ITPR2: variants seen among roughly 807,000 people sequenced by gnomAD.
ITPR2 encodes inositol 1,4,5-trisphosphate receptor type 2, also known as inositol 1,4,5-trisphosphate-gated calcium channel ITPR2.
Under a neutral mutation model 317.1 loss-of-function variants are expected in ITPR2, and 207 were observed. The observed-to-expected ratio is 0.65, with a 90% CI of 0.58 to 0.73. The LOEUF (loss-of-function observed/expected upper bound fraction) is 0.73, where lower values mean the gene tolerates loss of function less well. Among genes scored for constraint, ITPR2 ranks in the 30% least tolerant of loss-of-function variants. The pLI, the probability that ITPR2 is intolerant of heterozygous loss-of-function variation, is 0.00. For missense variants in ITPR2, 2,613 were observed against 3,284.0 expected (o/e 0.80, Z 4.99); for synonymous variants, 1,156 against 1,149.1 (o/e 1.01, Z -0.12).
chr12:26,370,492 A>G (rs1031124024), intron 55 of ITPR2, among the ~76,000 whole-genome samples: 1 of 152,302 alleles, frequency 6.6e-6, no homozygotes, highest in South Asian at 2.1e-4. Context: ...GAGCAAATCC[A>G]TGTAAATATT....
At position 26,492,237 on chromosome 12, in the gene ITPR2, G is replaced by A. The variant is rs560978217; in HGVS notation, c.5370+1916C>T. On this transcript the variant is annotated intron_variant, in intron 39 of 56. Coordinates refer to ENST00000381340, the MANE Select transcript of ITPR2 (RefSeq NM_002223.4). ...GTAAAGAAGGACTGAAAAATATTTCGGTTGTGAAGAGATCTAGGGGAACAA... is the reference window on the plus strand; with the variant it reads ...GTAAAGAAGGACTGAAAAATATTTCAGTTGTGAAGAGATCTAGGGGAACAA... 6.6e-5 allele frequency among the ~76,000 whole-genome samples: 10 copies of A among 152,244 alleles called. No homozygotes were observed. The South Asian group carries it at 1.2e-3, about 19-fold the overall frequency.
intron 26 of ITPR2, among the ~76,000 whole-genome samples, chr12:26,620,658 T>C (rs1399730757): frequency 1.3e-5 from 2 of 152,208 alleles, no homozygotes; most frequent in Non-Finnish European, 2.9e-5. Flanking sequence ...TTTTGGTATT[T>C]TCATACTGGC....
intron 55 of ITPR2, among the ~76,000 whole-genome samples, chr12:26,369,287 AT>A (rs1305556775): frequency 6.6e-6 from 1 of 151,970 alleles, no homozygotes; most frequent in Non-Finnish European, 1.5e-5. Flanking sequence ...TATGTTTTAG[AT>A]TTTTTTCATT....
chr12:26,624,276 A>T (rs373146007), intron 24 of ITPR2, 23 bp downstream of exon 24: 2 of 1,488,950 alleles, frequency 1.3e-6, no homozygotes, highest in Non-Finnish European at 1.9e-6. Flanking sequence ...AAGTAAGATA[A>T]AGATATATAA....
At chr12:26,767,408 C>T (rs909185532) in intron 2 of ITPR2, among the ~76,000 whole-genome samples, 11 of 152,160 alleles carry the variant, frequency 7.2e-5, no homozygotes, top group Admixed American at 1.3e-4. Context: ...TTGACCTGAA[C>T]CTTTCTCTAG....
intron 1 of ITPR2, among the ~76,000 whole-genome samples, chr12:26,803,370 AAT>A (rs1950593146): frequency 6.6e-6 from 1 of 152,124 alleles, no homozygotes; most frequent in Admixed American, 6.6e-5. Context: ...AAAAAAAAAA[AAT>A]GTTAAATGAA....
At position 26,461,370 on chromosome 12, in the gene ITPR2, G is replaced by A. The variant is rs554476879; in HGVS notation, c.6342+13926C>T. Among the ~76,000 whole-genome samples, 5 of 152,020 alleles carry A rather than the reference G, an allele frequency of 3.3e-5. No individual in the cohort carries two copies. The East Asian group carries it at 9.6e-4, about 29-fold the overall frequency. On this transcript the variant is annotated intron_variant, in intron 45 of 56. Coordinates refer to ENST00000381340, the MANE Select transcript of ITPR2 (RefSeq NM_002223.4). The stretch of plus-strand genomic sequence containing the variant: ...TTTGGCCAACTACATACAGCTCCTA[G>A]GTCAAATTCAGCATGCCACCTGTTT...
intron 45 of ITPR2, among the ~76,000 whole-genome samples, chr12:26,472,538 C>A (rs1244871963): frequency 6.6e-6 from 1 of 151,706 alleles, no homozygotes; most frequent in East Asian, 1.9e-4. Context: ...ATTTTCACAT[C>A]ATTGATATCA....
chr12:26,565,289 T>G (rs1944920585), intron 34 of ITPR2, among the ~76,000 whole-genome samples: 1 of 152,226 alleles, frequency 6.6e-6, no homozygotes. Context: ...CATCAGCTAT[T>G]TCCATGGTTA....
intron 2 of ITPR2, among the ~76,000 whole-genome samples, chr12:26,755,939 C>T (rs1949513782): frequency 6.6e-6 from 1 of 152,070 alleles, no homozygotes; most frequent in African/African-American, 2.4e-5. Context: ...AGGAATTTAC[C>T]CAATTCATAG....
chr12:26,580,073 C>T lies in ITPR2; in HGVS notation c.4463G>A (p.Ser1488Asn). 6.2e-7 allele frequency: 1 copy of T among 1,611,932 alleles called. No individual in the cohort carries two copies. The highest frequency in any genetic ancestry group is 8.5e-7 in the Non-Finnish European group (1 of 1,178,254). ...TGAAAAGGGAGAATTAAAGAAGCCG[C>T]TCACAATATTCATTATTGACTCAGT... The part of the protein sequence containing the change: ...CVTESIMNIV[S>N]GFFNSPFSDN... The change falls in exon 33 of 57, where the codon AGC (serine) becomes AAC (asparagine). Residue 1488 changes from serine to asparagine, a missense_variant. This residue lies in a region of ITPR2 where 926 missense variants were observed against 1,072.8 expected (regional missense o/e 0.86). Transcript: ENST00000381340.
rs1423510840 is a variant in ITPR2 at position 26,725,683 on chromosome 12, G to T, written c.246C>A (p.Asn82Lys). The change falls in exon 3 of 57, where the codon AAC (asparagine) becomes AAA (lysine). Residue 82 changes from asparagine to lysine, a missense_variant. Physicochemically the swap from Asn to Lys is moderately conservative, Grantham distance 94 (BLOSUM62 0). This residue lies in a region of ITPR2 where 515 missense variants were observed against 789.4 expected (regional missense o/e 0.65). Transcript: ENST00000381340. ...YWKAKQAKQG[N>K]HTEAALLKKL... ...TCTTCAGCAAGGCTGCCTCGGTGTG[G>T]TTCCCTTGTTTGGCTTGCTTTGCTT... The T allele has an allele frequency of 1.2e-6, 2 of 1,613,154 alleles. No individual in the cohort carries two copies. Among genetic ancestry groups the T allele is most frequent in the African/African-American group, 1.3e-5 (1 of 74,862 alleles).
At chr12:26,772,127 C>T (rs982261792) in intron 2 of ITPR2, among the ~76,000 whole-genome samples, 2 of 151,726 alleles carry the variant, frequency 1.3e-5, no homozygotes, top group African/African-American at 4.8e-5. Flanking sequence ...GAATACTAAA[C>T]ATTCCATTAC....
At chr12:26,428,190 A>G (rs1941119550) in intron 48 of ITPR2, 102 bp from the exon 49 acceptor site, 1 of 790,780 alleles carries the variant, frequency 1.3e-6, no homozygotes, top group South Asian at 3.1e-5. Flanking sequence ...TCAAAGCCAT[A>G]ATCCAGTAAA....
intron 55 of ITPR2, among the ~76,000 whole-genome samples, chr12:26,368,618 C>T (rs1192524151): frequency 6.6e-6 from 1 of 152,130 alleles, no homozygotes; most frequent in Non-Finnish European, 1.5e-5. Flanking sequence ...TTTCAGCTGC[C>T]ATACATTTTT....
At chr12:26,710,078 A>C (rs1389235138) in intron 9 of ITPR2, among the ~76,000 whole-genome samples, 1 of 152,206 alleles carries the variant, frequency 6.6e-6, no homozygotes, top group Non-Finnish European at 1.5e-5. Context: ...TACTGAAAAT[A>C]TAAAACATAG....
intron 43 of ITPR2, among the ~76,000 whole-genome samples, chr12:26,480,141 A>G (rs1942512623): frequency 6.6e-6 from 1 of 152,246 alleles, no homozygotes; most frequent in Non-Finnish European, 1.5e-5. Context: ...TTGTAATTTA[A>G]GCAAGAATTA....
Position 26,587,160 on chromosome 12 carries a change from T to C in ITPR2, c.4381-7005A>G, listed in dbSNP as rs59080729. ...ATTTTTAGCTTCATATGACATTTAT[T>C]TATTTCACAAATATTTACTGAGTAT... On this transcript the variant is annotated intron_variant, in intron 32 of 56. Transcript: ENST00000381340. 2.3e-3 allele frequency among the ~76,000 whole-genome samples: 349 copies of C among 150,726 alleles called. 15 individuals are homozygous for C. The East Asian group carries it at 0.059, about 25-fold the overall frequency.
chr12:26,596,766 C>G, intron 31 of ITPR2, 117 bp downstream of exon 31: 1 of 771,610 alleles, frequency 1.3e-6, no homozygotes, highest in Non-Finnish European at 1.9e-6. Flanking sequence ...AATACAATTC[C>G]CTGACTAAAT....
Sources: gnomAD v4.1 joint callset for allele counts (sites outside exome capture counted in the v4.1 genomes callset) on GRCh38, gnomAD v4.1.1 for gene constraint, gnomAD v4.1.1 regional missense constraint, MANE v1.5 for transcripts, NCBI Gene and HGNC (gene_info 2026-07-23, HGNC 2026-07-21) for gene names.